Variants in ANP32A observed in about 807,000 individuals in gnomAD.
ANP32A encodes acidic leucine-rich nuclear phosphoprotein 32 family member A.
A neutral mutation model predicts 33.9 loss-of-function variants in ANP32A; 1 was observed. That is an observed-to-expected ratio of 0.03 (90% CI 0.01 to 0.14). The LOEUF (loss-of-function observed/expected upper bound fraction) is 0.14, where lower values mean the gene tolerates loss of function less well. Ranked by LOEUF, ANP32A falls within the 10% of genes least tolerant of loss-of-function variation. ANP32A has a pLI of 1.00. For synonymous variants in ANP32A, 115 were observed against 120.5 expected, an observed-to-expected ratio of 0.95 and a Z score of 0.30; for missense variants, 155 against 306.0, an observed-to-expected ratio of 0.51 and a Z score of 3.68.
chr15:68,819,791 G>A (rs1894445442), intron 1 of ANP32A, among the ~76,000 whole-genome samples: 1 of 152,216 alleles, frequency 6.6e-6, no homozygotes, highest in Non-Finnish European at 1.5e-5. Context: ...GCGATCGCTG[G>A]AGGCAGGGAG....
chr15:68,820,121 G>C (rs1364241129), intron 1 of ANP32A, among the ~76,000 whole-genome samples: 1 of 152,054 alleles, frequency 6.6e-6, no homozygotes, highest in Admixed American at 6.6e-5. Context: ...TCTCCCCGGG[G>C]GCCTCGGCCC....
chr15:68,811,178 G>A (rs923526701), intron 1 of ANP32A, among the ~76,000 whole-genome samples: 5 of 152,068 alleles, frequency 3.3e-5, no homozygotes, highest in Non-Finnish European at 5.9e-5. Context: ...GACTTCACGT[G>A]GTGGAGTAAG....
intron 2 of ANP32A, 69 bp from the exon 3 acceptor site, chr15:68,787,604 C>A: frequency 1.2e-6 from 2 of 1,608,402 alleles, no homozygotes; most frequent in Non-Finnish European, 1.7e-6. Flanking sequence ...CAGAGCTGCC[C>A]GGCTTTCCCC....
At chr15:68,781,746 G>A (rs1486968543) in intron 5 of ANP32A, 1 of 152,508 alleles carries the variant, frequency 6.6e-6, no homozygotes, top group Admixed American at 6.6e-5. Context: ...TGGAATTATA[G>A]GCATCCATCA....
At chr15:68,784,367 T>C (rs370945340) in intron 4 of ANP32A, 30 bp downstream of exon 4, 3 of 1,412,142 alleles carry the variant, frequency 2.1e-6, no homozygotes, top group Non-Finnish European at 2.9e-6. Context: ...GCTGGGCCCC[T>C]GCAGCCCTGG....
At chr15:68,795,890 G>A (rs967797299) in intron 1 of ANP32A, among the ~76,000 whole-genome samples, 1 of 152,152 alleles carries the variant, frequency 6.6e-6, no homozygotes, top group Non-Finnish European at 1.5e-5. Flanking sequence ...CTCTAGCCCA[G>A]GCCTGTCTGG....
intron 1 of ANP32A, 77 bp downstream of exon 1, chr15:68,820,621 C>G (rs1894460422): frequency 2.7e-6 from 2 of 751,406 alleles, no homozygotes; most frequent in Non-Finnish European, 3.5e-6. Context: ...AAAAGTGCCT[C>G]CCCCCAGCGC....
At chr15:68,806,096 T>C (rs1451148086) in intron 1 of ANP32A, among the ~76,000 whole-genome samples, 5 of 152,126 alleles carry the variant, frequency 3.3e-5, no homozygotes. Flanking sequence ...CTCCACAGTA[T>C]TGTGTATTTG....
In ANP32A at chr15:68,779,059, C is replaced by T. The variant is rs928492462; in HGVS notation, c.*1022G>A. 6.6e-6 allele frequency: 1 copy of T among 151,948 alleles called. No homozygotes were observed. Among genetic ancestry groups the T allele is most frequent in the African/African-American group, 2.4e-5 (1 of 41,346 alleles). The allele number at this position is 151,948 out of a possible 1,614,324, so 9.4% of individuals were successfully genotyped here. A position where few individuals can be genotyped will look rare whatever the true frequency, so the allele number is the denominator to read the frequency against. On this transcript the variant is annotated 3_prime_UTR_variant, in exon 7 of 7. Coordinates refer to ENST00000465139, the MANE Select transcript of ANP32A (RefSeq NM_006305.4). ...AAATTACACGTCACTTCTAAAGCAA[C>T]CAGAAGAGGGACACGAAAGCAAACC...
At chr15:68,785,574 TCAG>T (rs1893921306) in intron 3 of ANP32A, among the ~76,000 whole-genome samples, 1 of 152,188 alleles carries the variant, frequency 6.6e-6, no homozygotes, top group Non-Finnish European at 1.5e-5. Context: ...TGGGTCATTC[TCAG>T]CAGAAGCCAA....
At chr15:68,815,589 T>C (rs1332905875) in intron 1 of ANP32A, among the ~76,000 whole-genome samples, 1 of 152,220 alleles carries the variant, frequency 6.6e-6, no homozygotes, top group Non-Finnish European at 1.5e-5. Flanking sequence ...CAGTTATAGT[T>C]TGGTGATTGC....
At chr15:68,816,748 T>C (rs1894387586) in intron 1 of ANP32A, among the ~76,000 whole-genome samples, 1 of 152,196 alleles carries the variant, frequency 6.6e-6, no homozygotes, top group Admixed American at 6.5e-5. Context: ...AAACGTATCC[T>C]ACCTCCTTGT....
intron 4 of ANP32A, among the ~76,000 whole-genome samples, chr15:68,784,113 A>G (rs1893903482): frequency 6.6e-6 from 1 of 152,196 alleles, no homozygotes; most frequent in Admixed American, 6.5e-5. Flanking sequence ...AGGAGTTATT[A>G]TGCAGTTGGA....
chr15:68,807,924 C>T (rs1894258833), intron 1 of ANP32A, among the ~76,000 whole-genome samples: 2 of 152,100 alleles, frequency 1.3e-5, no homozygotes, highest in Admixed American at 6.5e-5. Flanking sequence ...TCGGTAATGC[C>T]CACTTGACAC....
intron 1 of ANP32A, among the ~76,000 whole-genome samples, chr15:68,794,256 A>C (rs1894034870): frequency 6.6e-6 from 1 of 152,190 alleles, no homozygotes; most frequent in African/African-American, 2.4e-5. Context: ...GAGTCAACTA[A>C]GCTGTCTGTA....
At chr15:68,799,385 T>C (rs1320675560) in intron 1 of ANP32A, among the ~76,000 whole-genome samples, 1 of 152,172 alleles carries the variant, frequency 6.6e-6, no homozygotes, top group Non-Finnish European at 1.5e-5. Flanking sequence ...CTGGGTTTGG[T>C]GGTAGAACCT....
At chr15:68,796,931 T>G (rs1894071104) in intron 1 of ANP32A, among the ~76,000 whole-genome samples, 1 of 152,030 alleles carries the variant, frequency 6.6e-6, no homozygotes. Context: ...CAGTCACTGT[T>G]CCGGAAAGAA....
intron 5 of ANP32A, 27 bp downstream of exon 5, chr15:68,782,929 T>A (rs1291288362): frequency 1.3e-6 from 2 of 1,550,818 alleles, no homozygotes; most frequent in African/African-American, 2.7e-5. Flanking sequence ...GGGCAGACGG[T>A]GGCCCTGCCC....
intron 1 of ANP32A, among the ~76,000 whole-genome samples, chr15:68,819,924 G>A (rs1291434372): frequency 6.6e-6 from 1 of 152,210 alleles, no homozygotes; most frequent in Non-Finnish European, 1.5e-5. Context: ...TGGAAAGAGT[G>A]AGGGAGAAAG....
Sources: allele counts gnomAD v4.1 joint callset (sites outside exome capture counted in the v4.1 genomes callset), GRCh38; gene constraint gnomAD v4.1.1; transcripts MANE v1.5; gene names NCBI Gene and HGNC (gene_info 2026-07-23, HGNC 2026-07-21).